KPNA4: variants seen among roughly 807,000 people sequenced by gnomAD.
The protein encoded by KPNA4 is importin subunit alpha-3.
Under a neutral mutation model 71.3 loss-of-function variants are expected in KPNA4, and 13 were observed. The ratio of observed to expected loss-of-function variants is 0.18; its 90% confidence interval spans 0.12 to 0.29. The LOEUF is 0.29. Ranked by LOEUF, KPNA4 falls within the 10% of genes least tolerant of loss-of-function variation. The pLI, the probability that KPNA4 is intolerant of heterozygous loss-of-function variation, is 1.00. For synonymous variants in KPNA4, 189 were observed against 195.2 expected, an observed-to-expected ratio of 0.97 and a Z score of 0.26; for missense variants, 334 against 603.2, an observed-to-expected ratio of 0.55 and a Z score of 4.67.
intron 1 of KPNA4, among the ~76,000 whole-genome samples, chr3:160,545,914 G>T (rs936458486): frequency 9.2e-5 from 14 of 152,162 alleles, no homozygotes; most frequent in African/African-American, 3.1e-4. Flanking sequence ...CCAAACAACT[G>T]AAGGATGGAA....
At chr3:160,508,514 C>T (rs897431502) in intron 14 of KPNA4, among the ~76,000 whole-genome samples, 1 of 152,020 alleles carries the variant, frequency 6.6e-6, no homozygotes, top group African/African-American at 2.4e-5. Context: ...TCATATTAAA[C>T]ATTTCTTTGC....
Position 160,527,946 on chromosome 3 carries a change from T to A in KPNA4, c.556+7A>T. The A allele has an allele frequency of 2.5e-6, 4 of 1,603,216 alleles. No individual in the cohort carries two copies. The highest frequency in any genetic ancestry group is 3.4e-6 in the Non-Finnish European group (4 of 1,171,224). On this transcript the variant is annotated splice_region_variant and intron_variant, in intron 8 of 16. Transcript: ENST00000334256. ...TTTTAGACTAGTATTACAAGTTTTA[T>A]ACAAACCTATGATATTTCCCAATGC...
intron 5 of KPNA4, among the ~76,000 whole-genome samples, chr3:160,533,297 T>C (rs1721609411): frequency 6.6e-6 from 1 of 152,176 alleles, no homozygotes; most frequent in African/African-American, 2.4e-5. Context: ...ACTGCTGGGA[T>C]TACAGGCGTT....
At chr3:160,529,818 T>C (rs1319776295) in intron 7 of KPNA4, among the ~76,000 whole-genome samples, 1 of 152,026 alleles carries the variant, frequency 6.6e-6, no homozygotes, top group Non-Finnish European at 1.5e-5. Flanking sequence ...AGGACTACTT[T>C]ATAGAAGATT....
chr3:160,523,457 G>A (rs545085872), intron 10 of KPNA4, among the ~76,000 whole-genome samples: 9 of 152,174 alleles, frequency 5.9e-5, no homozygotes, highest in East Asian at 5.8e-4. Flanking sequence ...AAGACACCCC[G>A]AAACTCCTAA....
intron 11 of KPNA4, 130 bp downstream of exon 11, chr3:160,521,649 C>T (rs1721351620): frequency 1.2e-6 from 1 of 829,700 alleles, no homozygotes; most frequent in Non-Finnish European, 1.9e-6. Context: ...TTTATTTTCC[C>T]CTTTCCATCA....
Position 160,498,663 on chromosome 3 carries a change from G to A in KPNA4, c.*3441C>T, listed in dbSNP as rs1233179377. On this transcript the variant is annotated 3_prime_UTR_variant, in exon 17 of 17. Transcript: ENST00000334256. ...CAGAGATTCTCTTGCTGGCCTTGAA[G>A]AAGTTCCCATGATTTCTTCAGTTGC... The A allele has an allele frequency of 6.6e-6, 1 of 152,192 alleles. No homozygotes were observed. Among genetic ancestry groups the A allele is most frequent in the Non-Finnish European group, 1.5e-5 (1 of 68,038 alleles). 9.4% of individuals were successfully genotyped at this position (152,192 alleles called of 1,614,324 possible).
chr3:160,505,305 A>C (rs1202697359), intron 15 of KPNA4, among the ~76,000 whole-genome samples: 1 of 152,186 alleles, frequency 6.6e-6, no homozygotes, highest in Non-Finnish European at 1.5e-5. Context: ...AAGTAATGAG[A>C]CATCTGCCTA....
At chr3:160,564,785 A>G (rs1722306128) in intron 1 of KPNA4, 1 of 151,594 alleles carries the variant, frequency 6.6e-6, no homozygotes, top group South Asian at 2.1e-4. Context: ...TCCCATTCCC[A>G]CCGCCCTCCT....
At chr3:160,516,629 G>A (rs1169938941) in intron 11 of KPNA4, among the ~76,000 whole-genome samples, 1 of 151,852 alleles carries the variant, frequency 6.6e-6, no homozygotes, top group Admixed American at 6.6e-5. Context: ...AATATTAGCT[G>A]GGTGTGGTGG....
chr3:160,540,359 T>A (rs1431745079), intron 1 of KPNA4, among the ~76,000 whole-genome samples: 2 of 152,206 alleles, frequency 1.3e-5, no homozygotes, highest in African/African-American at 4.8e-5. Flanking sequence ...GGTTTTTTGA[T>A]AATTTGAAAC....
At chr3:160,559,751 C>A (rs1432986416) in intron 1 of KPNA4, among the ~76,000 whole-genome samples, 4 of 152,104 alleles carry the variant, frequency 2.6e-5, no homozygotes, top group Non-Finnish European at 2.9e-5. Context: ...ACATTCTTCA[C>A]ACACTTCGAC....
At chr3:160,536,462 G>A (rs2108554138) in intron 2 of KPNA4, among the ~76,000 whole-genome samples, 1 of 152,128 alleles carries the variant, frequency 6.6e-6, no homozygotes, top group South Asian at 2.1e-4. Context: ...ACTTACTACT[G>A]CCCATTAATA....
chr3:160,535,810 C>T lies in KPNA4; in HGVS notation c.202G>A (p.Val68Met). 5 of 1,495,504 alleles carry T rather than the reference C, an allele frequency of 3.3e-6. No homozygotes were observed. Among genetic ancestry groups the T allele is most frequent in the South Asian group, 2.6e-5 (2 of 76,910 alleles). The allele number at this position is 1,495,504 out of a possible 1,614,324, so 92.6% of individuals were successfully genotyped here. ...EDSDIDGDYR[V>M]QNTSLEAIVQ... is the part of the protein sequence containing the mutation. The stretch of plus-strand genomic sequence containing the variant: ...GAATAACAATAACAATGACTTACCA[C>T]TCTATAATCACCATCTATATCAGAG... Residue 68 changes from valine (V) to methionine (M), a missense_variant and splice_region_variant, in exon 3 of 17, where the codon GTG (valine) becomes ATG (methionine). Val to Met is a conservative substitution (Grantham distance 21, BLOSUM62 1). Transcript: ENST00000334256.
rs1260045178 is a variant in KPNA4, at chr3:160,565,046, A to G, written c.69+168T>C. On this transcript the variant is annotated intron_variant, in intron 1 of 16. Coordinates refer to ENST00000334256, the MANE Select transcript of KPNA4 (RefSeq NM_002268.5). ...CCGGCGGAGGCGGAGCAGGCCCGAC[A>G]TAAACTTCCCGGCGCGCTAGCAGAG... Among the ~76,000 whole-genome samples, 15 of 151,126 alleles carry G rather than the reference A, an allele frequency of 9.9e-5. No individual in the cohort carries two copies. The East Asian group carries it at 2.9e-3, about 30-fold the overall frequency.
At position 160,499,698 on chromosome 3, in the gene KPNA4, C is replaced by T. The variant is rs1353134179; in HGVS notation, c.*2406G>A. 1 of 152,086 alleles carries T rather than the reference C, an allele frequency of 6.6e-6. No homozygotes were observed. The highest frequency in any genetic ancestry group is 1.5e-5 in the Non-Finnish European group (1 of 67,998). 9.4% of individuals were successfully genotyped at this position (152,086 alleles called of 1,614,324 possible). A position where few individuals can be genotyped will look rare whatever the true frequency, so the allele number is the denominator to read the frequency against. On this transcript the variant is annotated 3_prime_UTR_variant, in exon 17 of 17. Coordinates refer to ENST00000334256, the MANE Select transcript of KPNA4 (RefSeq NM_002268.5). ...CTTACCTATTTTCCATATCACTGTT[C>T]TATACAATAATTTGTATATAAAATT...
chr3:160,504,260 T>C (rs1416477389), intron 16 of KPNA4, among the ~76,000 whole-genome samples: 2 of 152,204 alleles, frequency 1.3e-5, no homozygotes, highest in Non-Finnish European at 2.9e-5. Context: ...AATAACATTC[T>C]ATTCTTTTTG....
At chr3:160,524,909 G>A (rs980157247) in intron 10 of KPNA4, among the ~76,000 whole-genome samples, 1 of 152,178 alleles carries the variant, frequency 6.6e-6, no homozygotes, top group East Asian at 1.9e-4. Flanking sequence ...CCTTTAAATT[G>A]TAAAGAAATG....
intron 13 of KPNA4, among the ~76,000 whole-genome samples, chr3:160,512,898 A>G (rs1384963969): frequency 6.6e-6 from 1 of 152,172 alleles, no homozygotes; most frequent in East Asian, 1.9e-4. Context: ...ACAAAGAATG[A>G]CGGAATTAGA....
Sources: allele counts gnomAD v4.1 joint callset (sites outside exome capture counted in the v4.1 genomes callset), GRCh38; gene constraint gnomAD v4.1.1; transcripts MANE v1.5; gene names NCBI Gene and HGNC (gene_info 2026-07-23, HGNC 2026-07-21).